Variants in TOX observed in about 807,000 individuals in gnomAD.
The protein encoded by TOX is thymocyte selection-associated high mobility group box protein TOX.
A neutral mutation model predicts 53.7 loss-of-function variants in TOX; 11 were observed. That is an observed-to-expected ratio of 0.20 (90% CI 0.13 to 0.34). The LOEUF (loss-of-function observed/expected upper bound fraction) is 0.34, where lower values mean the gene tolerates loss of function less well. Ranked by LOEUF, TOX falls within the 10% of genes least tolerant of loss-of-function variation. The pLI, the probability that TOX is intolerant of heterozygous loss-of-function variation, is 1.00. For synonymous variants in TOX, 225 were observed against 245.3 expected (o/e 0.92, Z 0.77); for missense variants, 570 against 664.6 (o/e 0.86, Z 1.56).
intron 2 of TOX, among the ~76,000 whole-genome samples, chr8:58,943,070 T>C (rs760334487): frequency 6.6e-6 from 1 of 152,228 alleles, no homozygotes; most frequent in South Asian, 2.1e-4. Context: ...TTTATTACAA[T>C]GCAAAAGTGA....
intron 1 of TOX, among the ~76,000 whole-genome samples, chr8:58,964,903 C>T (rs1274347640): frequency 6.6e-6 from 1 of 151,366 alleles, no homozygotes; most frequent in Admixed American, 6.6e-5. Flanking sequence ...ACCCTACAGA[C>T]CTGAAGGCAC....
chr8:58,939,267 C>T, intron 3 of TOX, 35 bp downstream of exon 3: 1 of 1,610,664 alleles, frequency 6.2e-7, no homozygotes, highest in African/African-American at 1.3e-5. Context: ...TGGTATCCCT[C>T]AGCCCCCACC....
chr8:59,119,038 GTGT>G lies in TOX; in HGVS notation c.-54_-52del. On this transcript the variant is annotated 5_prime_UTR_variant, in exon 1 of 9. Coordinates refer to ENST00000361421, the MANE Select transcript of TOX (RefSeq NM_014729.3). ...TTTCTTTTTCCTTTTTTAAAAAAAA[GTGT>G]TCAGCAAAACAAGCTTAGACGGAAC... 7.4e-7 allele frequency: 1 copy of G among 1,357,480 alleles called. No individual in the cohort carries two copies. Among genetic ancestry groups the G allele is most frequent in the East Asian group, 2.5e-5 (1 of 39,478 alleles). 84.1% of individuals were successfully genotyped at this position (1,357,480 alleles called of 1,614,324 possible). A position where few individuals can be genotyped will look rare whatever the true frequency, so the allele number is the denominator to read the frequency against.
At chr8:58,911,928 C>T (rs537455102) in intron 3 of TOX, among the ~76,000 whole-genome samples, 5 of 152,294 alleles carry the variant, frequency 3.3e-5, no homozygotes, top group Admixed American at 6.5e-5. Flanking sequence ...TCTCGAACTC[C>T]TAACCTCAGG....
At chr8:58,983,099 A>G (rs1191336255) in intron 1 of TOX, among the ~76,000 whole-genome samples, 1 of 152,196 alleles carries the variant, frequency 6.6e-6, no homozygotes, top group Admixed American at 6.5e-5. Flanking sequence ...CTCCATTAGT[A>G]TTACTCCTAC....
intron 3 of TOX, among the ~76,000 whole-genome samples, chr8:58,898,912 T>C (rs1339517825): frequency 6.6e-6 from 1 of 152,188 alleles, no homozygotes; most frequent in Non-Finnish European, 1.5e-5. Flanking sequence ...AAATGTAATC[T>C]TGTAGTTTAC....
chr8:59,084,550 C>A (rs905172263), intron 1 of TOX, among the ~76,000 whole-genome samples: 4 of 152,160 alleles, frequency 2.6e-5, no homozygotes, highest in Admixed American at 6.5e-5. Context: ...AGCATTAACA[C>A]TGATGAAATT....
intron 3 of TOX, among the ~76,000 whole-genome samples, chr8:58,895,663 G>C (rs1376616216): frequency 6.6e-6 from 1 of 152,212 alleles, no homozygotes; most frequent in Non-Finnish European, 1.5e-5. Context: ...CTTCCTCTGT[G>C]TTGGCGTCAT....
At chr8:58,884,921 G>T (rs1019833096) in intron 3 of TOX, among the ~76,000 whole-genome samples, 1 of 152,112 alleles carries the variant, frequency 6.6e-6, no homozygotes, top group African/African-American at 2.4e-5. Context: ...ACACTGGAAT[G>T]AAGTGATTCA....
chr8:58,813,667 T>C (rs1166058879), intron 7 of TOX, among the ~76,000 whole-genome samples: 13 of 152,220 alleles, frequency 8.5e-5, no homozygotes, highest in Non-Finnish European at 1.5e-4. Context: ...GCTTTCTACG[T>C]ACTCTTCTTC....
chr8:58,855,846 G>A (rs183498409), intron 3 of TOX, among the ~76,000 whole-genome samples: 7 of 152,076 alleles, frequency 4.6e-5, no homozygotes, highest in East Asian at 1.9e-4. Context: ...TTAATCATGC[G>A]TCTTTGTTTA....
intron 1 of TOX, among the ~76,000 whole-genome samples, chr8:59,048,034 A>C (rs899546192): frequency 6.6e-6 from 1 of 152,198 alleles, no homozygotes; most frequent in African/African-American, 2.4e-5. Context: ...CCTTCAGGAC[A>C]TATCTGAAGT....
chr8:58,997,520 T>C (rs1478327568), intron 1 of TOX, among the ~76,000 whole-genome samples: 1 of 152,212 alleles, frequency 6.6e-6, no homozygotes, highest in Non-Finnish European at 1.5e-5. Flanking sequence ...GGAACAACTA[T>C]ATTCATCAGC....
chr8:59,056,225 A>T (rs1367400492), intron 1 of TOX, among the ~76,000 whole-genome samples: 1 of 152,000 alleles, frequency 6.6e-6, no homozygotes, highest in Non-Finnish European at 1.5e-5. Context: ...TAGGAGTTCA[A>T]GACCAGCCTG....
chr8:58,978,836 C>T (rs1268308551), intron 1 of TOX, among the ~76,000 whole-genome samples: 1 of 152,228 alleles, frequency 6.6e-6, no homozygotes, highest in East Asian at 1.9e-4. Flanking sequence ...GTATCCACCA[C>T]TGTAGTGTCA....
At chr8:59,091,072 C>T (rs1249232867) in intron 1 of TOX, among the ~76,000 whole-genome samples, 6 of 152,154 alleles carry the variant, frequency 3.9e-5, no homozygotes, top group Non-Finnish European at 7.4e-5. Context: ...AAAATAACCC[C>T]TTGGGCTCTG....
chr8:58,820,367 GT>G (rs1310048804), intron 6 of TOX, among the ~76,000 whole-genome samples: 3 of 151,790 alleles, frequency 2.0e-5, no homozygotes, highest in Non-Finnish European at 2.9e-5. Flanking sequence ...TATATTTGAT[GT>G]TATGACCTTA....
chr8:58,856,382 T>C (rs1032476476), intron 3 of TOX, among the ~76,000 whole-genome samples: 87 of 143,710 alleles, frequency 6.1e-4, no homozygotes, highest in African/African-American at 2.4e-3. Flanking sequence ...AGATATCTTT[T>C]AGTTAAATGG....
intron 2 of TOX, among the ~76,000 whole-genome samples, chr8:58,944,890 T>G (rs1367681439): frequency 6.6e-6 from 1 of 152,226 alleles, no homozygotes; most frequent in African/African-American, 2.4e-5. Flanking sequence ...TATTTGCCAT[T>G]GATTAGGCCT....
Sources: gnomAD v4.1 joint callset for allele counts (sites outside exome capture counted in the v4.1 genomes callset) on GRCh38, gnomAD v4.1.1 for gene constraint, MANE v1.5 for transcripts, NCBI Gene and HGNC (gene_info 2026-07-23, HGNC 2026-07-21) for gene names.